Variants in MAP3K1 observed in about 807,000 individuals in gnomAD.
MAP3K1 encodes the protein mitogen-activated protein kinase kinase kinase 1.
MAP3K1 carries 36 observed loss-of-function variants against 144.2 expected under a neutral mutation model. The observed-to-expected ratio is 0.25, with a 90% confidence interval of 0.19 to 0.33. The LOEUF is 0.33. Among genes scored for constraint, MAP3K1 ranks in the 10% least tolerant of loss-of-function variants. The pLI, the probability that MAP3K1 is intolerant of heterozygous loss-of-function variation, is 1.00. For synonymous variants in MAP3K1, 718 were observed against 688.7 expected (o/e 1.04, Z -0.67); for missense variants, 1,650 against 1,881.9 (o/e 0.88, Z 2.28).
At chr5:56,883,821 C>G in intron 15 of MAP3K1, 142 bp downstream of exon 15, 1 of 920,134 alleles carries the variant, frequency 1.1e-6, no homozygotes, top group South Asian at 1.4e-5. Context: ...GTAGATGTTT[C>G]TAAAGCACCA....
chr5:56,831,823 A>C (rs1746503216), intron 1 of MAP3K1, among the ~76,000 whole-genome samples: 1 of 152,240 alleles, frequency 6.6e-6, no homozygotes, highest in Admixed American at 6.5e-5. Flanking sequence ...GATACTAAAC[A>C]GTTTACTGTG....
At chr5:56,871,886 ACTT>A in intron 6 of MAP3K1, 21 bp from the exon 7 acceptor site, 4 of 1,611,704 alleles carry the variant, frequency 2.5e-6, no homozygotes, top group Non-Finnish European at 3.4e-6. Context: ...TATGCTTAAT[ACTT>A]TTTCTTCCCC....
chr5:56,876,534 T>C (rs1748037002), intron 10 of MAP3K1, among the ~76,000 whole-genome samples: 1 of 152,056 alleles, frequency 6.6e-6, no homozygotes, highest in African/African-American at 2.4e-5. Flanking sequence ...GATCTCATAA[T>C]TTATCATTCC....
intron 6 of MAP3K1, among the ~76,000 whole-genome samples, chr5:56,869,487 CA>C (rs11342842): frequency 0.75 from 114,366 of 151,824 alleles, 43,572 homozygotes; most frequent in Non-Finnish European, 0.82. Context: ...GTTGCCACAA[CA>C]AAAAAAAGAA....
At position 56,880,718 on chromosome 5, in the gene MAP3K1, A is replaced by C; in HGVS notation, c.2095A>C (p.Ser699Arg). 6.2e-7 allele frequency: 1 copy of C among 1,613,282 alleles called. No individual in the cohort carries two copies. The highest frequency in any genetic ancestry group is 8.5e-7 in the Non-Finnish European group (1 of 1,179,378). Reference sequence around the variant, plus strand: ...CTTTTCCTTTGTTTTTAGCCGCACAAGTCAGCTGTCCATATCAACACTGTT... The same window carrying C: ...CTTTTCCTTTGTTTTTAGCCGCACACGTCAGCTGTCCATATCAACACTGTT... ...VKCADANSRT[S>R]QLSISTLLEL... The change falls in exon 12 of 20, where the codon AGT becomes CGT. Residue 699 changes from serine (S) to arginine (R), a missense_variant. This residue lies in a region of MAP3K1 where 841 missense variants were observed against 886.5 expected (regional missense o/e 0.95). Transcript: ENST00000399503.
At chr5:56,852,048 G>A (rs1443533260) in intron 1 of MAP3K1, 1 of 150,594 alleles carries the variant, frequency 6.6e-6, no homozygotes, top group Non-Finnish European at 1.5e-5. Context: ...CTTCATTGAA[G>A]CCATATTGAG....
intron 7 of MAP3K1, 114 bp downstream of exon 7, chr5:56,872,145 G>A (rs1355610206): frequency 1.5e-6 from 2 of 1,340,474 alleles, no homozygotes; most frequent in Admixed American, 3.7e-5. Flanking sequence ...AATAAAAAAA[G>A]TATATCTAAG....
chr5:56,884,850 A>G (rs1748333474), intron 16 of MAP3K1, 24 bp downstream of exon 16: 2 of 1,603,806 alleles, frequency 1.2e-6, no homozygotes, highest in Non-Finnish European at 8.5e-7. Context: ...TTAAATTACA[A>G]AATAGTAGTA....
intron 1 of MAP3K1, among the ~76,000 whole-genome samples, chr5:56,846,903 A>G (rs190929880): frequency 1.4e-4 from 21 of 152,350 alleles, no homozygotes; most frequent in Non-Finnish European, 2.5e-4. Flanking sequence ...TCTCAATTCT[A>G]TTAGTGATGT....
At chr5:56,858,321 A>G (rs929603202) in intron 2 of MAP3K1, among the ~76,000 whole-genome samples, 1 of 152,334 alleles carries the variant, frequency 6.6e-6, no homozygotes, top group Non-Finnish European at 1.5e-5. Flanking sequence ...TTTATTATAC[A>G]TGAACTAAGA....
Position 56,883,646 on chromosome 5 carries a change from T to A in MAP3K1, c.3786T>A (p.Asp1262Glu). The A allele has an allele frequency of 6.2e-7, 1 of 1,614,108 alleles. No individual in the cohort carries two copies. ...TTTCTTCTTGTTATCAGGCTCAAGA[T>A]GTGGGAACTGGAACTTTAATGGCTG... Reference protein sequence around the residue: ...GAFSSCYQAQDVGTGTLMAVK... With the variant: ...GAFSSCYQAQEVGTGTLMAVK... Residue 1262 changes from aspartate to glutamate, a missense_variant, in exon 15 of 20, where the codon GAT becomes GAA. Coordinates refer to ENST00000399503, the MANE Select transcript of MAP3K1 (RefSeq NM_005921.2).
At chr5:56,869,507 A>T in intron 6 of MAP3K1, among the ~76,000 whole-genome samples, 1 of 152,194 alleles carries the variant, frequency 6.6e-6, no homozygotes, top group East Asian at 1.9e-4. Flanking sequence ...AATTATGTAT[A>T]TGAAGAGTTT....
intron 1 of MAP3K1, among the ~76,000 whole-genome samples, chr5:56,819,637 C>T (rs913219193): frequency 2.0e-5 from 3 of 146,762 alleles, no homozygotes; most frequent in Admixed American, 1.3e-4. Context: ...CTCCAGTCAT[C>T]TTCTTGGGTT....
chr5:56,890,506 A>G (rs1362564951), intron 19 of MAP3K1, among the ~76,000 whole-genome samples: 2 of 152,076 alleles, frequency 1.3e-5, no homozygotes. Flanking sequence ...GTTTTTTTAG[A>G]GAGTGATTTG....
At chr5:56,889,243 A>C (rs1052077606) in intron 19 of MAP3K1, among the ~76,000 whole-genome samples, 76 of 152,164 alleles carry the variant, frequency 5.0e-4, no homozygotes, top group African/African-American at 1.8e-3. Context: ...ATCTCAGCTC[A>C]CTATAGCCTC....
intron 1 of MAP3K1, among the ~76,000 whole-genome samples, chr5:56,835,142 G>C (rs993927596): frequency 6.6e-6 from 1 of 152,132 alleles, no homozygotes; most frequent in Non-Finnish European, 1.5e-5. Flanking sequence ...TTCCTTGATG[G>C]GCAGGCCCAG....
At chr5:56,872,530 A>G in intron 7 of MAP3K1, 111 bp from the exon 8 acceptor site, 2 of 708,432 alleles carry the variant, frequency 2.8e-6, no homozygotes, top group South Asian at 3.4e-5. Flanking sequence ...ATTTAATTAG[A>G]TTATTTTTGA....
At chr5:56,873,869 AAC>A (rs1337100797) in intron 9 of MAP3K1, among the ~76,000 whole-genome samples, 1 of 152,162 alleles carries the variant, frequency 6.6e-6, no homozygotes, top group Non-Finnish European at 1.5e-5. Flanking sequence ...AAAAATATTA[AAC>A]ACATTCTTGT....
At chr5:56,831,161 G>C (rs950513906) in intron 1 of MAP3K1, among the ~76,000 whole-genome samples, 2 of 146,390 alleles carry the variant, frequency 1.4e-5, no homozygotes, top group African/African-American at 2.5e-5. Flanking sequence ...TTTTTAACCC[G>C]TGAAAATGGG....
Sources: allele counts gnomAD v4.1 joint callset (sites outside exome capture counted in the v4.1 genomes callset), GRCh38; gene constraint gnomAD v4.1.1; regional missense constraint gnomAD v4.1.1; transcripts MANE v1.5; gene names NCBI Gene and HGNC (gene_info 2026-07-23, HGNC 2026-07-21).